The following SPAG16 variants were observed in gnomAD, a reference collection of about 807,000 sequenced individuals.
SPAG16 encodes sperm-associated antigen 16 protein.
Under a neutral mutation model 80.4 loss-of-function variants are expected in SPAG16, and 86 were observed. The ratio of observed to expected loss-of-function variants is 1.07; its 90% CI spans 0.90 to 1.28. The LOEUF (loss-of-function observed/expected upper bound fraction) is 1.28, where lower values mean the gene tolerates loss of function less well. SPAG16 is among the 50% of genes most tolerant of loss of function. The probability of loss-of-function intolerance (pLI) is 0.00; values close to 1 mark genes in which losing one functional copy is unlikely to be tolerated. For synonymous variants in SPAG16, 294 were observed against 265.9 expected, an observed-to-expected ratio of 1.11 and a Z score of -1.03; for missense variants, 870 against 765.3, an observed-to-expected ratio of 1.14 and a Z score of -1.61.
At chr2:214,348,781 G>A (rs1340494138) in intron 15 of SPAG16, among the ~76,000 whole-genome samples, 1 of 152,086 alleles carries the variant, frequency 6.6e-6, no homozygotes, top group Admixed American at 6.6e-5. Flanking sequence ...ATCCCCCACC[G>A]CACCCTGTCC....
At chr2:213,328,082 ATAT>A (rs1463347936) in intron 5 of SPAG16, among the ~76,000 whole-genome samples, 78 of 152,130 alleles carry the variant, frequency 5.1e-4, no homozygotes, top group African/African-American at 1.8e-3. Context: ...ATTGAATATG[ATAT>A]TATTATCATA....
intron 10 of SPAG16, among the ~76,000 whole-genome samples, chr2:213,774,907 G>A (rs1384076859): frequency 6.6e-6 from 1 of 152,160 alleles, no homozygotes; most frequent in African/African-American, 2.4e-5. Flanking sequence ...CATGAAGTAT[G>A]CATGCTGGAG....
chr2:213,589,035 TAGTC>T (rs1431467842), intron 10 of SPAG16, among the ~76,000 whole-genome samples: 1 of 152,088 alleles, frequency 6.6e-6, no homozygotes, highest in East Asian at 1.9e-4. Context: ...AAATTTATAT[TAGTC>T]AATCATTATT....
Position 214,108,198 on chromosome 2 carries a change from T to C in SPAG16, c.1530T>C (p.Gly510=). ...KTLSIWDART[G]ICEQSLYGHM... ...CTGTTTCTGCTTTGTCTTCCTAGGG[T>C]ATATGTGAGCAGTCACTTTATGGTC... The change falls in exon 14 of 16, where the codon GGT becomes GGC. Residue 510 remains glycine, a splice_region_variant and synonymous_variant. Coordinates refer to ENST00000331683, the MANE Select transcript of SPAG16 (RefSeq NM_024532.5). The C allele has an allele frequency of 6.3e-7, 1 of 1,583,426 alleles. No individual in the cohort carries two copies. The highest frequency in any genetic ancestry group is 1.3e-5 in the African/African-American group (1 of 74,572).
chr2:214,283,749 G>T (rs541659331), intron 15 of SPAG16, among the ~76,000 whole-genome samples: 5 of 152,280 alleles, frequency 3.3e-5, no homozygotes, highest in African/African-American at 1.2e-4. Context: ...TGAGCAAATT[G>T]CTTTAAGTAC....
At chr2:213,915,287 A>G (rs1441801966) in intron 11 of SPAG16, among the ~76,000 whole-genome samples, 1 of 145,098 alleles carries the variant, frequency 6.9e-6, no homozygotes, top group African/African-American at 2.6e-5. Flanking sequence ...CTAGTCCCCC[A>G]CCCCTCAGCA....
chr2:214,241,699 A>C (rs1428177108), intron 15 of SPAG16, among the ~76,000 whole-genome samples: 3 of 152,190 alleles, frequency 2.0e-5, no homozygotes, highest in Non-Finnish European at 4.4e-5. Context: ...GAATTCATTA[A>C]CTAAAGTAAT....
intron 15 of SPAG16, among the ~76,000 whole-genome samples, chr2:214,282,330 A>G (rs1265035849): frequency 6.6e-6 from 1 of 152,174 alleles, no homozygotes; most frequent in East Asian, 1.9e-4. Flanking sequence ...GTACTCTACT[A>G]TGGTCACAAT....
chr2:214,227,018 C>G (rs2058712604), intron 15 of SPAG16, among the ~76,000 whole-genome samples: 1 of 152,034 alleles, frequency 6.6e-6, no homozygotes. Context: ...TGACAATGTA[C>G]CAGTCTAGCA....
chr2:214,104,770 AAG>A (rs1432260447), intron 13 of SPAG16, among the ~76,000 whole-genome samples: 6 of 152,112 alleles, frequency 3.9e-5, no homozygotes, highest in African/African-American at 1.4e-4. Context: ...ACCAGCAGGA[AAG>A]AGGGGACTCA....
chr2:213,637,366 A>C (rs1036538425), intron 10 of SPAG16, among the ~76,000 whole-genome samples: 3 of 152,140 alleles, frequency 2.0e-5, no homozygotes, highest in African/African-American at 7.2e-5. Flanking sequence ...GGATTTTTGC[A>C]TCTATGTTTA....
chr2:213,799,415 A>G (rs1435868872), intron 10 of SPAG16, among the ~76,000 whole-genome samples: 1 of 151,986 alleles, frequency 6.6e-6, no homozygotes, highest in Non-Finnish European at 1.5e-5. Context: ...TTACATGTTG[A>G]TTTTAATCCT....
At chr2:213,800,061 G>GAAGGGC (rs1208650988) in intron 10 of SPAG16, among the ~76,000 whole-genome samples, 1 of 151,718 alleles carries the variant, frequency 6.6e-6, no homozygotes, top group Non-Finnish European at 1.5e-5. Context: ...CTTAAATTAT[G>GAAGGGC]ATGTTGACAG....
intron 11 of SPAG16, among the ~76,000 whole-genome samples, chr2:213,886,934 A>T (rs2076578275): frequency 6.6e-6 from 1 of 152,172 alleles, no homozygotes; most frequent in South Asian, 2.1e-4. Context: ...GGTAAGGAGT[A>T]GAAGTTTAAC....
chr2:213,600,808 C>T (rs186851984), intron 10 of SPAG16, among the ~76,000 whole-genome samples: 5 of 152,228 alleles, frequency 3.3e-5, no homozygotes, highest in Admixed American at 6.5e-5. Flanking sequence ...TTCCTTTTCT[C>T]GCTATGTGTT....
intron 15 of SPAG16, among the ~76,000 whole-genome samples, chr2:214,318,412 C>T (rs184224612): frequency 0.016 from 1,926 of 120,970 alleles, 30 homozygotes; most frequent in South Asian, 0.022. Flanking sequence ...GACAGGGTCT[C>T]GCTCTGTTGC....
chr2:213,405,766 A>G (rs1232447981), intron 9 of SPAG16, among the ~76,000 whole-genome samples: 1 of 152,166 alleles, frequency 6.6e-6, no homozygotes, highest in African/African-American at 2.4e-5. Context: ...ACTTAATGTA[A>G]TGTCCTCCAA....
At chr2:214,287,571 A>T (rs941456389) in intron 15 of SPAG16, among the ~76,000 whole-genome samples, 13 of 152,316 alleles carry the variant, frequency 8.5e-5, no homozygotes, top group African/African-American at 3.1e-4. Context: ...TCATCTGCTC[A>T]TCTATTTGAG....
intron 10 of SPAG16, among the ~76,000 whole-genome samples, chr2:213,547,102 C>G (rs2076636219): frequency 6.6e-6 from 1 of 152,022 alleles, no homozygotes; most frequent in Admixed American, 6.6e-5. Flanking sequence ...ATATCATTTA[C>G]TTTTTCTATT....
Sources: allele counts gnomAD v4.1 joint callset (sites outside exome capture counted in the v4.1 genomes callset), GRCh38; gene constraint gnomAD v4.1.1; transcripts MANE v1.5; gene names NCBI Gene and HGNC (gene_info 2026-07-23, HGNC 2026-07-21).